PTPRN2: variants seen among roughly 807,000 people sequenced by gnomAD.
PTPRN2 encodes protein tyrosine phosphatase receptor type N2.
A neutral mutation model predicts 118.8 loss-of-function variants in PTPRN2; 74 were observed. The observed-to-expected ratio is 0.62, with a 90% CI of 0.52 to 0.76. The LOEUF is 0.76. Among genes scored for constraint, PTPRN2 ranks in the 30% least tolerant of loss-of-function variants. The pLI, the probability that PTPRN2 is intolerant of heterozygous loss-of-function variation, is 0.00. For missense variants in PTPRN2, 1,481 were observed against 1,394.4 expected, an observed-to-expected ratio of 1.06 and a Z score of -0.99; for synonymous variants, 641 against 608.0, an observed-to-expected ratio of 1.05 and a Z score of -0.80.
intron 12 of PTPRN2, among the ~76,000 whole-genome samples, chr7:157,886,918 A>T (rs1173536415): frequency 3.4e-5 from 1 of 29,838 alleles, no homozygotes; most frequent in Non-Finnish European, 6.8e-5. Context: ...ATCCAAACCC[A>T]CAGTGGGCCA....
chr7:158,251,491 G>T (rs1383307964), intron 3 of PTPRN2, among the ~76,000 whole-genome samples: 2 of 151,604 alleles, frequency 1.3e-5, no homozygotes, highest in East Asian at 1.9e-4. Flanking sequence ...GTGCACGTGT[G>T]GTGTGTGCAG....
At chr7:157,584,923 C>T (rs935100100) in intron 17 of PTPRN2, among the ~76,000 whole-genome samples, 1 of 152,150 alleles carries the variant, frequency 6.6e-6, no homozygotes, top group Non-Finnish European at 1.5e-5. Context: ...GCTCTGGTTC[C>T]GAGAGAGTCA....
intron 2 of PTPRN2, among the ~76,000 whole-genome samples, chr7:158,340,450 C>T (rs1367497825): frequency 1.0e-5 from 1 of 98,266 alleles, no homozygotes; most frequent in African/African-American, 3.5e-5. Context: ...GAGCTGACAC[C>T]CGCAGACGTC....
chr7:158,388,031 A>C (rs528721430), intron 2 of PTPRN2, among the ~76,000 whole-genome samples: 14 of 152,244 alleles, frequency 9.2e-5, no homozygotes, highest in Admixed American at 8.5e-4. Context: ...CCCCCTGCTG[A>C]GTCTGTTTCT....
chr7:157,541,315 C>CGT (rs1798003432), intron 22 of PTPRN2, among the ~76,000 whole-genome samples: 1 of 152,244 alleles, frequency 6.6e-6, no homozygotes, highest in Non-Finnish European at 1.5e-5. Context: ...AAACCCACTC[C>CGT]GTTCCACATG....
At chr7:158,211,129 G>A (rs1827565096) in intron 3 of PTPRN2, among the ~76,000 whole-genome samples, 1 of 152,112 alleles carries the variant, frequency 6.6e-6, no homozygotes, top group Admixed American at 6.5e-5. Flanking sequence ...ACATGCAGAA[G>A]AATGAAACTA....
intron 10 of PTPRN2, among the ~76,000 whole-genome samples, chr7:158,086,314 G>C (rs9770368): frequency 0.69 from 104,407 of 152,122 alleles, 39,860 homozygotes; most frequent in Middle Eastern, 0.88. Context: ...CATCAGAACA[G>C]ACACACAGCC....
At chr7:157,800,779 C>T (rs566285879) in intron 12 of PTPRN2, among the ~76,000 whole-genome samples, 12 of 151,844 alleles carry the variant, frequency 7.9e-5, no homozygotes, top group Non-Finnish European at 1.5e-4. Flanking sequence ...GGTGAAACCC[C>T]GTCTCTACTA....
chr7:158,450,758 C>T (rs542916565), intron 2 of PTPRN2, among the ~76,000 whole-genome samples: 59 of 152,358 alleles, frequency 3.9e-4, no homozygotes, highest in African/African-American at 1.4e-3. Context: ...CACCAAAGTG[C>T]ATGTGGGTCA....
intron 12 of PTPRN2, among the ~76,000 whole-genome samples, chr7:157,876,610 A>G (rs1795782183): frequency 6.6e-6 from 1 of 152,214 alleles, no homozygotes; most frequent in South Asian, 2.1e-4. Flanking sequence ...GGCAATCAGC[A>G]GCTTCCACGT....
rs1054358247 is a variant in PTPRN2 at position 158,279,729 on chromosome 7, C to T, written c.277+37090G>A. ...CCGCGCTTCTCCCTCCACACCTCCCCGCAAGCAGAGGGAGCCGGCTCCGGC... is the reference window on the plus strand; with the variant it reads ...CCGCGCTTCTCCCTCCACACCTCCCTGCAAGCAGAGGGAGCCGGCTCCGGC... On this transcript the variant is annotated intron_variant, in intron 3 of 22. Transcript: ENST00000389418. 3.9e-5 allele frequency among the ~76,000 whole-genome samples: 6 copies of T among 152,306 alleles called. No individual in the cohort carries two copies. The South Asian group carries it at 6.2e-4, about 16-fold the overall frequency.
At chr7:157,810,510 G>A (rs62476421) in intron 12 of PTPRN2, among the ~76,000 whole-genome samples, 6,258 of 148,598 alleles carry the variant, frequency 0.042, 340 homozygotes, top group East Asian at 0.3. Flanking sequence ...CCATGGGGAC[G>A]GCGGGACTGC....
In PTPRN2 at chr7:158,546,326, G is replaced by A. The variant is rs1041071247; in HGVS notation, c.112+41232C>T. The stretch of plus-strand genomic sequence containing the variant: ...TTGAGCTTCACGCCTGCCCGGAGAC[G>A]GGGTCCGCGAGGTGCCAGCTTTGCA... On this transcript the variant is annotated intron_variant, in intron 1 of 22. Coordinates refer to ENST00000389418, the MANE Select transcript of PTPRN2 (RefSeq NM_002847.5). The surrounding 1 kb of genome is among the most constrained non-coding windows in gnomAD (Gnocchi z 5.0). Among the ~76,000 whole-genome samples the A allele has an allele frequency of 1.1e-4, 17 of 152,334 alleles. No homozygotes were observed. The highest frequency in any genetic ancestry group is 3.6e-4 in the African/African-American group (15 of 41,582).
chr7:158,520,164 C>T (rs900429028), intron 1 of PTPRN2, among the ~76,000 whole-genome samples: 7 of 152,310 alleles, frequency 4.6e-5, no homozygotes, highest in Non-Finnish European at 7.3e-5. Context: ...CTTCAGCTCC[C>T]CTTCCAAGAG....
chr7:158,019,633 A>G (rs1425794802), intron 11 of PTPRN2, among the ~76,000 whole-genome samples: 1 of 152,264 alleles, frequency 6.6e-6, no homozygotes, highest in Non-Finnish European at 1.5e-5. Flanking sequence ...TTGAGGTCCC[A>G]TCATAGACAA....
At chr7:158,345,514 G>A (rs1461363508) in intron 2 of PTPRN2, among the ~76,000 whole-genome samples, 2 of 152,154 alleles carry the variant, frequency 1.3e-5, no homozygotes, top group Non-Finnish European at 2.9e-5. Flanking sequence ...CAGGTAGAAG[G>A]AGACAGGGTC....
chr7:158,549,398 C>T (rs1260212978), intron 1 of PTPRN2, among the ~76,000 whole-genome samples: 1 of 152,182 alleles, frequency 6.6e-6, no homozygotes, highest in Non-Finnish European at 1.5e-5. Context: ...GACACCGGTC[C>T]CCCAGTTGTT....
chr7:158,264,412 G>A (rs571775218), intron 3 of PTPRN2, among the ~76,000 whole-genome samples: 4 of 152,006 alleles, frequency 2.6e-5, no homozygotes, highest in East Asian at 3.9e-4. Context: ...GGACACACAC[G>A]GTCCAAAGAT....
At chr7:158,168,770 C>T (rs912772106) in intron 5 of PTPRN2, among the ~76,000 whole-genome samples, 8 of 152,190 alleles carry the variant, frequency 5.3e-5, no homozygotes, top group Non-Finnish European at 1.0e-4. Context: ...GTTAAGAGGA[C>T]ATGTCCTCAT....
Sources: gnomAD v4.1 joint callset for allele counts (sites outside exome capture counted in the v4.1 genomes callset) on GRCh38, gnomAD v4.1.1 for gene constraint, Gnocchi (gnomAD v3.1) non-coding constraint, MANE v1.5 for transcripts, NCBI Gene and HGNC (gene_info 2026-07-23, HGNC 2026-07-21) for gene names.